The following GTPBP10 variants were observed in gnomAD, a reference collection of about 807,000 sequenced individuals.
The protein encoded by GTPBP10 is GTP binding protein 10, also known as GTP-binding protein 10.
A neutral mutation model predicts 44.8 loss-of-function variants in GTPBP10; 38 were observed. That is an observed-to-expected ratio of 0.85 (90% confidence interval 0.65 to 1.11). GTPBP10 has a LOEUF of 1.11. GTPBP10 is among the 50% of genes most tolerant of loss of function. The pLI is 0.00. For missense variants in GTPBP10, 462 were observed against 453.7 expected (o/e 1.02, Z -0.17); for synonymous variants, 152 against 150.6 (o/e 1.01, Z -0.07).
Position 90,388,777 on chromosome 7 carries a change from G to A in GTPBP10, c.*3623G>A, listed in dbSNP as rs963238225. 6.6e-6 allele frequency: 1 copy of A among 152,144 alleles called. No homozygotes were observed. The highest frequency in any genetic ancestry group is 2.4e-5 in the African/African-American group (1 of 41,438). The allele number at this position is 152,144 out of a possible 1,614,324, so 9.4% of individuals were successfully genotyped here. A position where few individuals can be genotyped will look rare whatever the true frequency, so the allele number is the denominator to read the frequency against. On this transcript the variant is annotated 3_prime_UTR_variant, in exon 10 of 10. Coordinates refer to ENST00000222511, the MANE Select transcript of GTPBP10 (RefSeq NM_033107.4). Reference sequence around the variant, plus strand: ...TGAAGGTTAGAGATTCCTTTCAGTAGTTAATGAAAGCTACAGACTTGTCTT... The same window carrying A: ...TGAAGGTTAGAGATTCCTTTCAGTAATTAATGAAAGCTACAGACTTGTCTT...
At chr7:90,360,308 A>G (rs1053097737) in intron 4 of GTPBP10, among the ~76,000 whole-genome samples, 1 of 152,160 alleles carries the variant, frequency 6.6e-6, no homozygotes, top group Non-Finnish European at 1.5e-5. Context: ...TCTTGAATTA[A>G]TTTTTATGTA....
At chr7:90,359,524 C>T (rs1795971828) in intron 4 of GTPBP10, among the ~76,000 whole-genome samples, 1 of 152,166 alleles carries the variant, frequency 6.6e-6, no homozygotes, top group Admixed American at 6.5e-5. Context: ...GCCACGTTTT[C>T]TTAATTCAGT....
intron 6 of GTPBP10, among the ~76,000 whole-genome samples, chr7:90,375,708 A>G (rs1212288699): frequency 6.6e-6 from 1 of 151,998 alleles, no homozygotes; most frequent in African/African-American, 2.4e-5. Context: ...CTGCTTTGTC[A>G]GCTTCCTTTA....
intron 1 of GTPBP10, 152 bp downstream of exon 1, chr7:90,346,926 T>A: frequency 1.2e-6 from 1 of 841,052 alleles, no homozygotes; most frequent in South Asian, 1.5e-5. Context: ...TGGCGCTTTG[T>A]CAGTAAGCGG....
chr7:90,349,812 G>T (rs2115588732), intron 1 of GTPBP10, among the ~76,000 whole-genome samples: 2 of 152,250 alleles, frequency 1.3e-5, no homozygotes, highest in Middle Eastern at 3.4e-3. Context: ...TTTCGTCTCA[G>T]TGATTTTCTT....
rs143619479 is a variant in GTPBP10, at chr7:90,377,948, A to G, written c.700-186A>G. On this transcript the variant is annotated intron_variant, in intron 7 of 9. Transcript: ENST00000222511. ...GTTTTTTATTTTATTAATAACTGTA[A>G]TTTTATCAGAATAATTAAAGTTATC... 1,468 of 528,978 alleles carry G rather than the reference A, an allele frequency of 2.8e-3. 17 individuals carry two copies. In the African/African-American group the frequency reaches 0.028, roughly 10 times the overall value. 32.8% of individuals were successfully genotyped at this position (528,978 alleles called of 1,614,324 possible). A position where few individuals can be genotyped will look rare whatever the true frequency, so the allele number is the denominator to read the frequency against.
chr7:90,368,443 C>T (rs1027852254), intron 4 of GTPBP10, among the ~76,000 whole-genome samples: 5 of 152,192 alleles, frequency 3.3e-5, no homozygotes, highest in Admixed American at 2.6e-4. Context: ...TAGATTTGGT[C>T]TTTTCACATA....
chr7:90,381,054 T>A (rs1375195908), intron 8 of GTPBP10, among the ~76,000 whole-genome samples: 1 of 152,212 alleles, frequency 6.6e-6, no homozygotes, highest in South Asian at 2.1e-4. Flanking sequence ...TGAGGTTGAT[T>A]CCATGTCTCG....
In GTPBP10 at chr7:90,352,954, C is replaced by G. The variant is rs372468324; in HGVS notation, c.172C>G (p.Leu58Val). The G allele has an allele frequency of 6.2e-7, 1 of 1,612,718 alleles. No individual in the cohort carries two copies. The highest frequency in any genetic ancestry group is 8.5e-7 in the Non-Finnish European group (1 of 1,179,296). The stretch of plus-strand genomic sequence containing the variant: ...CCAGAACAGAATGACTTTAAAACAA[C>G]TTAAAGACAGGTATCCTCGGAAACG... Reference protein sequence around the residue: ...VAQNRMTLKQLKDRYPRKRFV... With the variant: ...VAQNRMTLKQVKDRYPRKRFV... Residue 58 changes from leucine (L) to valine (V), a missense_variant, in exon 2 of 10, where the codon CTT becomes GTT. Transcript: ENST00000222511.
At chr7:90,346,888 C>A in intron 1 of GTPBP10, 114 bp downstream of exon 1, 1 of 1,149,594 alleles carries the variant, frequency 8.7e-7, no homozygotes, top group Non-Finnish European at 1.3e-6. Context: ...GCTTGGTTTT[C>A]CCATAGACTT....
At chr7:90,358,412 G>C (rs1372098427) in intron 4 of GTPBP10, among the ~76,000 whole-genome samples, 2 of 151,986 alleles carry the variant, frequency 1.3e-5, no homozygotes, top group Non-Finnish European at 2.9e-5. Flanking sequence ...TATTGACAGA[G>C]AAGTAGGTAC....
intron 5 of GTPBP10, among the ~76,000 whole-genome samples, chr7:90,372,749 C>T (rs1796282455): frequency 6.6e-6 from 1 of 152,140 alleles, no homozygotes; most frequent in African/African-American, 2.4e-5. Flanking sequence ...TTATGAACCA[C>T]TTACCTTTTA....
At chr7:90,358,963 A>G (rs920530668) in intron 4 of GTPBP10, among the ~76,000 whole-genome samples, 1 of 152,206 alleles carries the variant, frequency 6.6e-6, no homozygotes. Context: ...GAAGATATGC[A>G]TACAAATGGC....
At position 90,352,219 on chromosome 7, in the gene GTPBP10, C is replaced by T. The variant is rs552434679; in HGVS notation, c.34-597C>T. ...AAGCAGGTGTAGTCTGAAAGACTTC[C>T]ATTTGTGTAGTCTCAATGAATATGT... On this transcript the variant is annotated intron_variant, in intron 1 of 9. Coordinates refer to ENST00000222511, the MANE Select transcript of GTPBP10 (RefSeq NM_033107.4). 1.4e-4 allele frequency among the ~76,000 whole-genome samples: 21 copies of T among 152,288 alleles called. No homozygotes were observed. The South Asian group carries it at 2.3e-3, about 17-fold the overall frequency.
chr7:90,384,755 A>G, intron 9 of GTPBP10, 137 bp from the exon 10 acceptor site: 1 of 707,406 alleles, frequency 1.4e-6, no homozygotes, highest in Non-Finnish European at 2.3e-6. Context: ...AGGCTCTGAG[A>G]ACTTATTAGA....
At chr7:90,351,040 C>T (rs1795780633) in intron 1 of GTPBP10, among the ~76,000 whole-genome samples, 1 of 152,174 alleles carries the variant, frequency 6.6e-6, no homozygotes, top group South Asian at 2.1e-4. Flanking sequence ...AGATGAACTG[C>T]TCATGGGGAG....
chr7:90,360,620 G>A (rs929294368), intron 4 of GTPBP10, among the ~76,000 whole-genome samples: 1 of 152,002 alleles, frequency 6.6e-6, no homozygotes, highest in Non-Finnish European at 1.5e-5. Flanking sequence ...TTGGCAATGG[G>A]GGCTCTTTTT....
intron 1 of GTPBP10, among the ~76,000 whole-genome samples, chr7:90,352,406 A>G (rs1488245997): frequency 1.3e-5 from 2 of 152,236 alleles, no homozygotes; most frequent in East Asian, 3.8e-4. Context: ...AGTTAAATAC[A>G]CATTCTGCTC....
chr7:90,362,607 C>T (rs1796046499), intron 4 of GTPBP10, among the ~76,000 whole-genome samples: 1 of 152,150 alleles, frequency 6.6e-6, no homozygotes, highest in Admixed American at 6.6e-5. Context: ...AATGTATATT[C>T]TGTTGATTTG....
Sources: gnomAD v4.1 joint callset for allele counts (sites outside exome capture counted in the v4.1 genomes callset) on GRCh38, gnomAD v4.1.1 for gene constraint, MANE v1.5 for transcripts, NCBI Gene and HGNC (gene_info 2026-07-23, HGNC 2026-07-21) for gene names.